Variants in TMEM132D observed in about 807,000 individuals in gnomAD.
TMEM132D encodes the protein mature OL transmembrane protein.
A neutral mutation model predicts 62.3 loss-of-function variants in TMEM132D; 21 were observed. The ratio of observed to expected loss-of-function variants is 0.34; its 90% CI spans 0.24 to 0.49. The LOEUF (loss-of-function observed/expected upper bound fraction) is 0.49. Among genes scored for constraint, TMEM132D ranks in the 20% least tolerant of loss-of-function variants. TMEM132D has a pLI of 0.99. For missense variants in TMEM132D, 1,346 were observed against 1,402.8 expected, an observed-to-expected ratio of 0.96 and a Z score of 0.65; for synonymous variants, 621 against 575.6, an observed-to-expected ratio of 1.08 and a Z score of -1.13.
intron 2 of TMEM132D, among the ~76,000 whole-genome samples, chr12:129,653,248 T>A (rs2137184723): frequency 6.6e-6 from 1 of 152,152 alleles, no homozygotes; most frequent in East Asian, 1.9e-4. Context: ...ACGGCTCAAA[T>A]GAAGTCTGAG....
At chr12:129,791,694 C>T (rs1199008793) in intron 1 of TMEM132D, among the ~76,000 whole-genome samples, 8 of 152,122 alleles carry the variant, frequency 5.3e-5, no homozygotes, top group Admixed American at 3.9e-4. Context: ...CCACACATTT[C>T]CAAGAACCAA....
chr12:129,511,595 G>A (rs1593044370), intron 3 of TMEM132D, among the ~76,000 whole-genome samples: 2 of 152,254 alleles, frequency 1.3e-5, no homozygotes, highest in Middle Eastern at 6.8e-3. Context: ...CAAAGGTGCT[G>A]GGAGTCTTTT....
intron 2 of TMEM132D, among the ~76,000 whole-genome samples, chr12:129,635,137 C>T (rs1197441444): frequency 6.6e-6 from 1 of 152,202 alleles, no homozygotes; most frequent in East Asian, 1.9e-4. Flanking sequence ...ATGTAACAGC[C>T]TCACCTTCCC....
chr12:129,363,212 A>G (rs1870306596), intron 3 of TMEM132D, among the ~76,000 whole-genome samples: 1 of 152,150 alleles, frequency 6.6e-6, no homozygotes, highest in Middle Eastern at 3.2e-3. Flanking sequence ...CACAGCTCAC[A>G]TGTGACAGTA....
In TMEM132D at chr12:129,087,996, GGGGTGTCCTCCATGACC is replaced by G. The variant is rs1466492619; in HGVS notation, c.1444-3311_1444-3295del. Among the ~76,000 whole-genome samples, 103 of 49,816 alleles carry G rather than the reference GGGGTGTCCTCCATGACC, an allele frequency of 2.1e-3. 12 individuals carry two copies. Among genetic ancestry groups the G allele is most frequent in the African/African-American group, 4.2e-3 (83 of 19,534 alleles). 32.7% of individuals were successfully genotyped at this position (49,816 alleles called of 152,430 possible). A position where few individuals can be genotyped will look rare whatever the true frequency, so the allele number is the denominator to read the frequency against. Reference sequence around the variant, plus strand: ...CCATGACCGGGTGTCCTCCATGACCGGGGTGTCCTCCATGACCGGGTGTCCTCCATGACCGGGGTGTC... The same window carrying G: ...CCATGACCGGGTGTCCTCCATGACCGGGGTGTCCTCCATGACCGGGGTGTC... On this transcript the variant is annotated intron_variant, in intron 5 of 8. Transcript: ENST00000422113.
intron 2 of TMEM132D, chr12:129,683,217 C>G (rs75888304): frequency 1.3e-5 from 2 of 151,824 alleles, no homozygotes; most frequent in Non-Finnish European, 2.9e-5. Flanking sequence ...AACACATGTG[C>G]TCTGGGGCTG....
intron 3 of TMEM132D, among the ~76,000 whole-genome samples, chr12:129,493,514 T>C (rs2137061917): frequency 6.6e-6 from 1 of 152,370 alleles, no homozygotes. Context: ...CTCTGTATTC[T>C]TGTAGGTCTG....
chr12:129,513,983 GC>G (rs1299593402), intron 3 of TMEM132D, among the ~76,000 whole-genome samples: 2 of 149,666 alleles, frequency 1.3e-5, no homozygotes, highest in Non-Finnish European at 3.0e-5. Context: ...GACTACAGGC[GC>G]CCGCCACCAC....
intron 2 of TMEM132D, among the ~76,000 whole-genome samples, chr12:129,572,466 G>A (rs752482870): frequency 1.3e-5 from 2 of 150,008 alleles, no homozygotes; most frequent in African/African-American, 4.9e-5. Flanking sequence ...TTTTTTTGTT[G>A]AGACGGAGTT....
At chr12:129,271,839 T>A (rs2135601317) in intron 4 of TMEM132D, among the ~76,000 whole-genome samples, 1 of 152,098 alleles carries the variant, frequency 6.6e-6, no homozygotes, top group Middle Eastern at 3.4e-3. Flanking sequence ...CTTTCAAGTC[T>A]TTGCTATTGT....
At chr12:129,603,085 T>G (rs1186219358) in intron 2 of TMEM132D, among the ~76,000 whole-genome samples, 1 of 152,108 alleles carries the variant, frequency 6.6e-6, no homozygotes, top group African/African-American at 2.4e-5. Context: ...AAGAAGAGAT[T>G]TGGGTGGGGA....
At chr12:129,870,722 A>G (rs937634833) in intron 1 of TMEM132D, among the ~76,000 whole-genome samples, 5 of 152,122 alleles carry the variant, frequency 3.3e-5, no homozygotes, top group Admixed American at 6.5e-5. Flanking sequence ...GGAACCCCAA[A>G]ATGTGTAGGC....
At chr12:129,185,641 T>A (rs2135553274) in intron 5 of TMEM132D, among the ~76,000 whole-genome samples, 1 of 152,290 alleles carries the variant, frequency 6.6e-6, no homozygotes, top group Middle Eastern at 3.4e-3. Context: ...CAAAATTGGC[T>A]TCTCAAAGTT....
At chr12:129,573,256 C>T (rs1009747969) in intron 2 of TMEM132D, among the ~76,000 whole-genome samples, 4 of 152,102 alleles carry the variant, frequency 2.6e-5, no homozygotes, top group Admixed American at 6.5e-5. Flanking sequence ...GAGCAGAGGG[C>T]GCTGGAGAGG....
intron 3 of TMEM132D, among the ~76,000 whole-genome samples, chr12:129,523,169 A>G (rs535232199): frequency 1.2e-3 from 188 of 152,322 alleles, no homozygotes; most frequent in African/African-American, 4.4e-3. Context: ...AGACATGTAC[A>G]TGAAGACAGA....
At chr12:129,726,969 T>C (rs1869056908) in intron 1 of TMEM132D, among the ~76,000 whole-genome samples, 1 of 152,132 alleles carries the variant, frequency 6.6e-6, no homozygotes, top group Non-Finnish European at 1.5e-5. Flanking sequence ...TACTAGTGCC[T>C]CCCCACCTCA....
In TMEM132D at chr12:129,209,627, T is replaced by G. The variant is rs747083531; in HGVS notation, c.1336A>C (p.Lys446Gln). 3 of 1,614,152 alleles carry G rather than the reference T, an allele frequency of 1.9e-6. No individual in the cohort carries two copies. The East Asian group carries it at 6.7e-5, about 36-fold the overall frequency. ...ACTTTCACCGGGACGGCCACCGTCT[T>G]CCCCGTGAGGATGGCTGTGTTCAGG... is the stretch of plus-strand genomic sequence containing the variant. ...EILNTAILTG[K>Q]TVAVPVKVVS... The change falls in exon 5 of 9, where the codon AAG (lysine) becomes CAG (glutamine). Residue 446 changes from lysine (K) to glutamine (Q), a missense_variant. Physicochemically the swap from Lys to Gln is moderately conservative, Grantham distance 53 (BLOSUM62 1). Coordinates refer to ENST00000422113, the MANE Select transcript of TMEM132D (RefSeq NM_133448.3).
At chr12:129,249,724 G>A (rs1042848595) in intron 4 of TMEM132D, among the ~76,000 whole-genome samples, 1 of 152,138 alleles carries the variant, frequency 6.6e-6, no homozygotes, top group African/African-American at 2.4e-5. Flanking sequence ...GGCCGATGGA[G>A]ACAGAAAAAG....
intron 4 of TMEM132D, among the ~76,000 whole-genome samples, chr12:129,286,562 C>T (rs1881302021): frequency 6.6e-6 from 1 of 152,098 alleles, no homozygotes; most frequent in Non-Finnish European, 1.5e-5. Context: ...TCACTGTTTC[C>T]CTCCTCCTGG....
Sources: gnomAD v4.1 joint callset for allele counts (sites outside exome capture counted in the v4.1 genomes callset) on GRCh38, gnomAD v4.1.1 for gene constraint, MANE v1.5 for transcripts, NCBI Gene and HGNC (gene_info 2026-07-23, HGNC 2026-07-21) for gene names.